The following ZMYM4 variants were observed in gnomAD, a reference collection of about 807,000 sequenced individuals.
ZMYM4 encodes zinc finger MYM-type protein 4.
In ZMYM4, 31 loss-of-function variants were observed where a neutral mutation model predicts 183.2. The observed-to-expected ratio is 0.17, with a 90% confidence interval of 0.13 to 0.23. The LOEUF (loss-of-function observed/expected upper bound fraction) is 0.23, where lower values mean the gene tolerates loss of function less well. ZMYM4 is among the 10% of genes least tolerant of loss of function. The pLI, the probability that ZMYM4 is intolerant of heterozygous loss-of-function variation, is 1.00. For missense variants in ZMYM4, 1,273 were observed against 1,840.3 expected, an observed-to-expected ratio of 0.69 and a Z score of 5.64; for synonymous variants, 592 against 631.2, an observed-to-expected ratio of 0.94 and a Z score of 0.93.
intron 15 of ZMYM4, 107 bp downstream of exon 15, chr1:35,390,205 C>T: frequency 8.1e-7 from 1 of 1,229,400 alleles, no homozygotes; most frequent in East Asian, 2.5e-5. Flanking sequence ...TTTCATGAAA[C>T]CTCAGTTTCC....
At chr1:35,386,722 T>G (rs1417563193) in intron 11 of ZMYM4, among the ~76,000 whole-genome samples, 2 of 152,266 alleles carry the variant, frequency 1.3e-5, no homozygotes, top group Non-Finnish European at 2.9e-5. Context: ...ATTTGGAATT[T>G]AATTTAACTG....
chr1:35,405,519 G>A (rs759162670), intron 25 of ZMYM4, 51 bp downstream of exon 25: 28 of 1,347,516 alleles, frequency 2.1e-5, no homozygotes, highest in South Asian at 8.4e-5. Context: ...TTATTATTGC[G>A]GATTTAAATT....
At chr1:35,285,223 G>A (rs1640419266) in intron 1 of ZMYM4, among the ~76,000 whole-genome samples, 1 of 152,040 alleles carries the variant, frequency 6.6e-6, no homozygotes, top group South Asian at 2.1e-4. Context: ...GAGTTATTAG[G>A]ATTTTGACAG....
chr1:35,347,232 C>T (rs1643431177), intron 2 of ZMYM4, among the ~76,000 whole-genome samples: 1 of 152,202 alleles, frequency 6.6e-6, no homozygotes, highest in South Asian at 2.1e-4. Context: ...GTCTCGAACT[C>T]CTGACCTCAG....
chr1:35,397,719 T>A (rs1359651040), intron 20 of ZMYM4, among the ~76,000 whole-genome samples, 174 bp downstream of exon 20: 3 of 152,196 alleles, frequency 2.0e-5, no homozygotes, highest in Non-Finnish European at 4.4e-5. Context: ...TTATTGTTTT[T>A]ATGAAGGAAA....
chr1:35,317,445 A>C (rs1339794897), intron 1 of ZMYM4, among the ~76,000 whole-genome samples: 1 of 152,160 alleles, frequency 6.6e-6, no homozygotes, highest in African/African-American at 2.4e-5. Context: ...AAAAATAAAT[A>C]AATAAATAGA....
At chr1:35,419,102 G>A (rs773849356) in intron 29 of ZMYM4, among the ~76,000 whole-genome samples, 1 of 152,148 alleles carries the variant, frequency 6.6e-6, no homozygotes, top group African/African-American at 2.4e-5. Flanking sequence ...TGGCCATAGT[G>A]TCACATGTGA....
At chr1:35,305,477 T>A (rs1181825960) in intron 1 of ZMYM4, among the ~76,000 whole-genome samples, 1 of 152,170 alleles carries the variant, frequency 6.6e-6, no homozygotes, top group Non-Finnish European at 1.5e-5. Flanking sequence ...TCTCTCAGCC[T>A]CCCAAAGTGT....
At chr1:35,376,211 A>T (rs1052370710) in intron 7 of ZMYM4, among the ~76,000 whole-genome samples, 2 of 152,152 alleles carry the variant, frequency 1.3e-5, no homozygotes, top group Non-Finnish European at 2.9e-5. Context: ...CCATTTCTGA[A>T]TTTTCACTAA....
chr1:35,295,417 C>T (rs1640957675), intron 1 of ZMYM4, among the ~76,000 whole-genome samples: 1 of 152,042 alleles, frequency 6.6e-6, no homozygotes, highest in African/African-American at 2.4e-5. Context: ...CATGAGTGAG[C>T]AAGGTGGTGA....
intron 1 of ZMYM4, among the ~76,000 whole-genome samples, chr1:35,279,200 A>G (rs374373881): frequency 9.8e-5 from 15 of 152,314 alleles, no homozygotes; most frequent in African/African-American, 3.1e-4. Flanking sequence ...TAGTTGAGTA[A>G]CTGTATTAGC....
In ZMYM4 at chr1:35,373,380, C is replaced by CTTT. The variant is rs572118166; in HGVS notation, c.1181+2763_1181+2765dup. The stretch of plus-strand genomic sequence containing the variant: ...TTAATGATCTTAACTTTTTTTTTTT[C>CTTT]TTTTTTTTTTTTGAGACCGAGTCTC... On this transcript the variant is annotated intron_variant, in intron 7 of 29. Transcript: ENST00000314607. Among the ~76,000 whole-genome samples, 14 of 132,586 alleles carry CTTT rather than the reference C, an allele frequency of 1.1e-4. 1 individual carries two copies. Among genetic ancestry groups the CTTT allele is most frequent in the Admixed American group, 6.2e-4 (8 of 12,956 alleles). The allele number at this position is 132,586 out of a possible 152,430, so 87.0% of individuals were successfully genotyped here.
intron 2 of ZMYM4, among the ~76,000 whole-genome samples, chr1:35,334,682 C>T (rs1253071816): frequency 6.6e-6 from 1 of 152,184 alleles, no homozygotes; most frequent in African/African-American, 2.4e-5. Context: ...GTAAAGCATA[C>T]ATCTGAAAGA....
At chr1:35,371,220 A>G (rs533981485) in intron 7 of ZMYM4, among the ~76,000 whole-genome samples, 73 of 151,850 alleles carry the variant, frequency 4.8e-4, no homozygotes, top group African/African-American at 1.6e-3. Flanking sequence ...GGTTCATGCC[A>G]TTCTCCTGCC....
intron 1 of ZMYM4, among the ~76,000 whole-genome samples, chr1:35,289,552 C>T (rs1484501729): frequency 6.6e-6 from 1 of 152,168 alleles, no homozygotes; most frequent in Non-Finnish European, 1.5e-5. Context: ...GATCACTCCA[C>T]TGATTTAAAA....
rs1357989289 is a variant in ZMYM4, at chr1:35,280,779, A to G, written c.39+11694A>G. Among the ~76,000 whole-genome samples the G allele has an allele frequency of 2.6e-5, 4 of 151,988 alleles. No individual in the cohort carries two copies. The East Asian group carries it at 7.7e-4, about 29-fold the overall frequency. ...GTCTTCATTTCTGTCTCTTCTAAGGACACTCTTCATTGGATTTAGGGCCTA... is the reference window on the plus strand; with the variant it reads ...GTCTTCATTTCTGTCTCTTCTAAGGGCACTCTTCATTGGATTTAGGGCCTA... On this transcript the variant is annotated intron_variant, in intron 1 of 29. Transcript: ENST00000314607.
intron 26 of ZMYM4, among the ~76,000 whole-genome samples, chr1:35,408,603 G>A (rs922188758): frequency 2.6e-5 from 4 of 152,046 alleles, no homozygotes; most frequent in African/African-American, 9.7e-5. Context: ...CAGGTATGGT[G>A]GTGTATGCCT....
At chr1:35,417,358 C>T (rs1016632390) in intron 28 of ZMYM4, among the ~76,000 whole-genome samples, 3 of 152,108 alleles carry the variant, frequency 2.0e-5, no homozygotes, top group African/African-American at 7.2e-5. Context: ...ACCCTGACTT[C>T]CTTATATAAT....
intron 9 of ZMYM4, 141 bp downstream of exon 9, chr1:35,381,899 C>CT (rs1163142480): frequency 9.6e-7 from 1 of 1,043,346 alleles, no homozygotes; most frequent in East Asian, 2.7e-5. Flanking sequence ...AATCCCAGCA[C>CT]TTTGGGAGGC....
Sources: allele counts gnomAD v4.1 joint callset (sites outside exome capture counted in the v4.1 genomes callset), GRCh38; gene constraint gnomAD v4.1.1; transcripts MANE v1.5; gene names NCBI Gene and HGNC (gene_info 2026-07-23, HGNC 2026-07-21).